The following ARHGAP35 variants were observed in gnomAD, a reference collection of about 807,000 sequenced individuals.
ARHGAP35 encodes the protein rho GTPase-activating protein 35.
Under a neutral mutation model 111.1 loss-of-function variants are expected in ARHGAP35, and 15 were observed. That is an observed-to-expected ratio of 0.13 (90% CI 0.09 to 0.21). The LOEUF (loss-of-function observed/expected upper bound fraction) is 0.21. ARHGAP35 is among the 10% of genes least tolerant of loss of function. ARHGAP35 has a pLI of 1.00. For missense variants in ARHGAP35, 1,262 were observed against 1,873.0 expected (o/e 0.67, Z 6.02); for synonymous variants, 643 against 710.3 (o/e 0.91, Z 1.51).
At chr19:46,866,706 C>G (rs537529365) in intron 1 of ARHGAP35, among the ~76,000 whole-genome samples, 21 of 152,298 alleles carry the variant, frequency 1.4e-4, no homozygotes, top group Non-Finnish European at 2.5e-4. Context: ...GTAGGGGGCT[C>G]TTTCCCTGGG....
chr19:46,940,505 C>A (rs935362076), intron 3 of ARHGAP35, among the ~76,000 whole-genome samples: 55 of 151,840 alleles, frequency 3.6e-4, no homozygotes, highest in African/African-American at 1.3e-3. Context: ...TCCAGCCTGG[C>A]GACAGAGCTA....
intron 1 of ARHGAP35, among the ~76,000 whole-genome samples, chr19:46,890,538 T>G (rs572487765): frequency 9.8e-5 from 15 of 152,308 alleles, no homozygotes; most frequent in Admixed American, 9.8e-4. Context: ...TATTATATAG[T>G]GTCATGGCCA....
chr19:46,885,655 T>C (rs2055989940), intron 1 of ARHGAP35, among the ~76,000 whole-genome samples: 2 of 152,198 alleles, frequency 1.3e-5, no homozygotes, highest in South Asian at 4.1e-4. Flanking sequence ...TAGTACATTC[T>C]TTGGTTTGTC....
chr19:46,888,430 A>C (rs1241384904), intron 1 of ARHGAP35, among the ~76,000 whole-genome samples: 1 of 147,618 alleles, frequency 6.8e-6, no homozygotes, highest in Non-Finnish European at 1.5e-5. Flanking sequence ...AGCTTCCCTC[A>C]TGCCCTTGGG....
At chr19:46,954,977 G>C (rs568142386) in intron 3 of ARHGAP35, among the ~76,000 whole-genome samples, 2 of 152,176 alleles carry the variant, frequency 1.3e-5, no homozygotes. Context: ...TTACTTCTCC[G>C]TAACCCATGA....
chr19:46,974,963 C>T (rs1462400388), intron 3 of ARHGAP35, among the ~76,000 whole-genome samples: 4 of 152,120 alleles, frequency 2.6e-5, no homozygotes, highest in Admixed American at 6.5e-5. Context: ...CTCCGCCTCC[C>T]GGGTTCACAC....
At position 47,003,628 on chromosome 19, in the gene ARHGAP35, G is replaced by A. The variant is rs902075905; in HGVS notation, c.*2940G>A. 1 of 152,224 alleles carries A rather than the reference G, an allele frequency of 6.6e-6. No homozygotes were observed. The highest frequency in any genetic ancestry group is 2.4e-5 in the African/African-American group (1 of 41,436). The allele number at this position is 152,224 out of a possible 1,614,324, so 9.4% of individuals were successfully genotyped here. On this transcript the variant is annotated 3_prime_UTR_variant, in exon 7 of 7. Coordinates refer to ENST00000672722, the MANE Select transcript of ARHGAP35 (RefSeq NM_004491.5). ...ATCGCCTAGCGTTTGGGGAGGAACA[G>A]GGAGAGAGCTTCGGGGCGTCTGTCT... is the stretch of plus-strand genomic sequence containing the variant.
intron 3 of ARHGAP35, among the ~76,000 whole-genome samples, chr19:46,961,393 A>G (rs780285342): frequency 6.6e-6 from 1 of 152,160 alleles, no homozygotes; most frequent in Non-Finnish European, 1.5e-5. Context: ...TACATTTTAT[A>G]TTTTAAACAA....
At chr19:46,956,563 G>A (rs1173707028) in intron 3 of ARHGAP35, among the ~76,000 whole-genome samples, 1 of 152,010 alleles carries the variant, frequency 6.6e-6, no homozygotes, top group Non-Finnish European at 1.5e-5. Flanking sequence ...GGGATTACAG[G>A]CGTGAGCAAC....
Position 47,002,457 on chromosome 19 carries a change from G to C in ARHGAP35, c.*1769G>C, listed in dbSNP as rs947614518. 1 of 152,280 alleles carries C rather than the reference G, an allele frequency of 6.6e-6. No homozygotes were observed. Among genetic ancestry groups the C allele is most frequent in the Non-Finnish European group, 1.5e-5 (1 of 68,056 alleles). The allele number at this position is 152,280 out of a possible 1,614,324, so 9.4% of individuals were successfully genotyped here. On this transcript the variant is annotated 3_prime_UTR_variant, in exon 7 of 7. Coordinates refer to ENST00000672722, the MANE Select transcript of ARHGAP35 (RefSeq NM_004491.5). ...AACACAAATCGGAGAACAAACCCAG[G>C]GTTCAGGCGTGTTTTCTGTGAATGT...
At chr19:46,937,232 T>C (rs2056314732) in intron 2 of ARHGAP35, 32 bp from the exon 3 acceptor site, 2 of 1,612,758 alleles carry the variant, frequency 1.2e-6, no homozygotes, top group East Asian at 2.2e-5. Flanking sequence ...ACTCACTTTG[T>C]TTTTGTGCTT....
intron 3 of ARHGAP35, among the ~76,000 whole-genome samples, chr19:46,960,652 T>G (rs2056475371): frequency 6.6e-6 from 1 of 152,222 alleles, no homozygotes; most frequent in Non-Finnish European, 1.5e-5. Flanking sequence ...TAAAGTCATT[T>G]TCTCATTCTC....
At chr19:46,974,708 C>A (rs2056570089) in intron 3 of ARHGAP35, among the ~76,000 whole-genome samples, 1 of 152,156 alleles carries the variant, frequency 6.6e-6, no homozygotes, top group Admixed American at 6.5e-5. Flanking sequence ...TGATTGAGCT[C>A]AATCTCCAGC....
rs746041884 is a variant in ARHGAP35, at chr19:46,922,262, A to G, written c.3587A>G (p.Gln1196Arg). The part of the protein sequence containing the change: ...IRKKEEDQAS[Q>R]GYKGDNAVIP... ...AAGAAAGAGGAGGATCAGGCATCCC[A>G]GGGTTATAAAGGGGACAATGCTGTC... The change falls in exon 2 of 7, where the codon CAG (glutamine) becomes CGG (arginine). Residue 1196 changes from glutamine to arginine, a missense_variant. Gln to Arg is a conservative substitution (Grantham distance 43, BLOSUM62 1). Transcript: ENST00000672722. The surrounding 1 kb of genome is among the most constrained non-coding windows in gnomAD (Gnocchi z 4.0). 8 of 1,613,892 alleles carry G rather than the reference A, an allele frequency of 5.0e-6. No homozygotes were observed. In the South Asian group the frequency reaches 5.5e-5, roughly 11 times the overall value.
intron 5 of ARHGAP35, among the ~76,000 whole-genome samples, chr19:46,996,873 C>T (rs537522951): frequency 6.6e-6 from 1 of 152,026 alleles, no homozygotes; most frequent in South Asian, 2.1e-4. Context: ...AGAGTGTGCC[C>T]ATGGCCGGGT....
At chr19:46,895,244 A>AG (rs2056047592) in intron 1 of ARHGAP35, among the ~76,000 whole-genome samples, 2 of 151,550 alleles carry the variant, frequency 1.3e-5, no homozygotes, top group Admixed American at 1.3e-4. Context: ...GCTCACTGCA[A>AG]GCTCCACCTC....
At chr19:46,987,594 G>A in intron 3 of ARHGAP35, among the ~76,000 whole-genome samples, 1 of 152,232 alleles carries the variant, frequency 6.6e-6, no homozygotes, top group African/African-American at 2.4e-5. Flanking sequence ...AAAAGAATAA[G>A]AACTTGAAGT....
intron 3 of ARHGAP35, among the ~76,000 whole-genome samples, chr19:46,966,184 A>G (rs897964303): frequency 2.0e-4 from 31 of 152,244 alleles, no homozygotes; most frequent in Middle Eastern, 3.4e-3. Flanking sequence ...AAATATTTAT[A>G]CGATTTTTGG....
intron 1 of ARHGAP35, among the ~76,000 whole-genome samples, chr19:46,874,541 T>G (rs2122122965): frequency 6.7e-6 from 1 of 148,318 alleles, no homozygotes; most frequent in East Asian, 1.9e-4. Flanking sequence ...TCTTGCTCTG[T>G]TGCCCAGGCT....
Sources: gnomAD v4.1 joint callset for allele counts (sites outside exome capture counted in the v4.1 genomes callset) on GRCh38, gnomAD v4.1.1 for gene constraint, Gnocchi (gnomAD v3.1) non-coding constraint, MANE v1.5 for transcripts, NCBI Gene and HGNC (gene_info 2026-07-23, HGNC 2026-07-21) for gene names.